PPP1R12B: variants seen among roughly 807,000 people sequenced by gnomAD.
The protein encoded by PPP1R12B is myosin phosphatase target subunit 2.
Under a neutral mutation model 126.1 loss-of-function variants are expected in PPP1R12B, and 76 were observed. The observed-to-expected ratio is 0.60, with a 90% confidence interval of 0.50 to 0.73. PPP1R12B has a LOEUF of 0.73. Ranked by LOEUF, PPP1R12B falls within the 30% of genes least tolerant of loss-of-function variation. The pLI, the probability that PPP1R12B is intolerant of heterozygous loss-of-function variation, is 0.00. For synonymous variants in PPP1R12B, 356 were observed against 434.7 expected, an observed-to-expected ratio of 0.82 and a Z score of 2.25; for missense variants, 1,052 against 1,205.1, an observed-to-expected ratio of 0.87 and a Z score of 1.88.
intron 1 of PPP1R12B, among the ~76,000 whole-genome samples, chr1:202,349,479 C>G (rs755636337): frequency 6.6e-6 from 1 of 152,180 alleles, no homozygotes; most frequent in Non-Finnish European, 1.5e-5. Context: ...TGCCTGCACA[C>G]CGCGTCACTC....
chr1:202,456,817 A>G (rs1458398441), intron 13 of PPP1R12B, among the ~76,000 whole-genome samples: 2 of 152,202 alleles, frequency 1.3e-5, no homozygotes, highest in Non-Finnish European at 2.9e-5. Flanking sequence ...GGCACAAGTA[A>G]ATTCAAAACC....
rs1220405003 is a variant in PPP1R12B at position 202,587,577 on chromosome 1, G to A, written c.*7017G>A. On this transcript the variant is annotated 3_prime_UTR_variant, in exon 24 of 24. Coordinates refer to ENST00000608999, the MANE Select transcript of PPP1R12B (RefSeq NM_002481.4). The stretch of plus-strand genomic sequence containing the variant: ...CAATCAGTGTATCAGTGCATCTGGT[G>A]GCAACAGCTCAGCCCATTCAAAGAG... 1 of 152,220 alleles carries A rather than the reference G, an allele frequency of 6.6e-6. No individual in the cohort carries two copies. Among genetic ancestry groups the A allele is most frequent in the Non-Finnish European group, 1.5e-5 (1 of 68,074 alleles). 9.4% of individuals were successfully genotyped at this position (152,220 alleles called of 1,614,324 possible).
chr1:202,541,369 C>T (rs535854338), intron 18 of PPP1R12B, among the ~76,000 whole-genome samples: 3 of 152,186 alleles, frequency 2.0e-5, no homozygotes, highest in South Asian at 2.1e-4. Context: ...AATATTGTTA[C>T]GAAGTTATTT....
At chr1:202,362,653 G>GTTT (rs143292643) in intron 1 of PPP1R12B, among the ~76,000 whole-genome samples, 15 of 144,806 alleles carry the variant, frequency 1.0e-4, no homozygotes, top group South Asian at 2.2e-4. Flanking sequence ...AAGGCCCAGG[G>GTTT]TTTTTGTTTT....
intron 4 of PPP1R12B, among the ~76,000 whole-genome samples, chr1:202,426,158 T>G (rs1433005410): frequency 1.3e-5 from 2 of 152,220 alleles, no homozygotes; most frequent in Non-Finnish European, 2.9e-5. Flanking sequence ...CAAACTTATA[T>G]GAGGGATTTG....
intron 1 of PPP1R12B, among the ~76,000 whole-genome samples, chr1:202,398,816 T>C (rs2741847): frequency 0.97 from 147,977 of 152,252 alleles, 72,002 homozygotes; most frequent in East Asian, 1. Context: ...TCTCAATGGC[T>C]TTGGTGAAGC....
Position 202,437,856 on chromosome 1 carries a change from C to G in PPP1R12B, c.1290C>G (p.Pro430=). ...SSGLFNKPEE[P]KDESPSSWRL... is the part of the protein sequence containing the mutation. ...GCCTTTTTAACAAGCCAGAAGAGCC[C>G]AAAGATGAATCTCCTTCTTCATGGA... Residue 430 remains proline (P), a synonymous_variant, in exon 10 of 24, where the codon CCC becomes CCG. Coordinates refer to ENST00000608999, the MANE Select transcript of PPP1R12B (RefSeq NM_002481.4). 1 of 1,613,792 alleles carries G rather than the reference C, an allele frequency of 6.2e-7. No homozygotes were observed. The highest frequency in any genetic ancestry group is 1.1e-5 in the South Asian group (1 of 91,056).
Position 202,496,784 on chromosome 1 carries a change from G to A in PPP1R12B, c.2452G>A (p.Asp818Asn). The A allele has an allele frequency of 1.2e-6, 2 of 1,611,874 alleles. No homozygotes were observed. Among genetic ancestry groups the A allele is most frequent in the South Asian group, 2.2e-5 (2 of 90,940 alleles). The change falls in exon 18 of 24, where the codon GAT becomes AAT. Residue 818 changes from aspartate to asparagine, a missense_variant. Coordinates refer to ENST00000608999, the MANE Select transcript of PPP1R12B (RefSeq NM_002481.4). ...TGINFWTKDE[D>N]ETDGSEEVKE... ...TTTCTTCCCTTTTCTTTTTTAGGAG[G>A]ATGAAACTGATGGCTCTGAAGAGGT...
intron 18 of PPP1R12B, chr1:202,527,173 G>C (rs1374882588): frequency 6.6e-6 from 1 of 152,136 alleles, no homozygotes; most frequent in Non-Finnish European, 1.5e-5. Flanking sequence ...AATTCAATAA[G>C]CCTTTTTATT....
At position 202,357,740 on chromosome 1, in the gene PPP1R12B, T is replaced by C. The variant is rs1657376964; in HGVS notation, c.291+8598T>C. Among the ~76,000 whole-genome samples the C allele has an allele frequency of 3.3e-5, 5 of 152,244 alleles. No homozygotes were observed. In the South Asian group the frequency reaches 1.0e-3, roughly 32 times the overall value. On this transcript the variant is annotated intron_variant, in intron 1 of 23. Transcript: ENST00000608999. Reference sequence around the variant, plus strand: ...CTGGAAGGCAGCCTTGGGGGAACAGTGATAGGGAGGTTAGTACCAATAAAC... The same window carrying C: ...CTGGAAGGCAGCCTTGGGGGAACAGCGATAGGGAGGTTAGTACCAATAAAC...
chr1:202,474,011 G>T, intron 13 of PPP1R12B: 2 of 519,186 alleles, frequency 3.9e-6, no homozygotes, highest in Middle Eastern at 3.2e-4. Context: ...AAGTAGGGTG[G>T]TACAGGGAAA....
rs911553666 is a variant in PPP1R12B at position 202,546,609 on chromosome 1, G to GA, written c.2491-12258dup. ...ACAGAATGAGACTCTGTCTCAAAAA[G>GA]AAAAAAAAAATAGTGTGACAAAATT... On this transcript the variant is annotated intron_variant, in intron 18 of 23. Transcript: ENST00000608999. Among the ~76,000 whole-genome samples the GA allele has an allele frequency of 2.3e-3, 346 of 147,646 alleles. 2 individuals are homozygous for GA. Among genetic ancestry groups the GA allele is most frequent in the African/African-American group, 7.5e-3 (303 of 40,358 alleles).
intron 13 of PPP1R12B, among the ~76,000 whole-genome samples, chr1:202,455,244 C>A (rs1673476810): frequency 6.6e-6 from 1 of 151,998 alleles, no homozygotes; most frequent in South Asian, 2.1e-4. Flanking sequence ...ATACAATTCA[C>A]TCATTTAAGG....
At chr1:202,371,816 G>C (rs928757130) in intron 1 of PPP1R12B, among the ~76,000 whole-genome samples, 1 of 132,862 alleles carries the variant, frequency 7.5e-6, no homozygotes, top group Admixed American at 7.3e-5. Context: ...TTTTTTTGTT[G>C]TTATGTTGAT....
intron 2 of PPP1R12B, among the ~76,000 whole-genome samples, chr1:202,421,595 G>T (rs12734071): frequency 6.7e-6 from 1 of 149,682 alleles, no homozygotes; most frequent in African/African-American, 2.5e-5. Flanking sequence ...AGCCGAGATC[G>T]CACCATTGCA....
Position 202,586,826 on chromosome 1 carries a change from T to C in PPP1R12B, c.*6266T>C, listed in dbSNP as rs1008046290. The C allele has an allele frequency of 6.6e-6, 1 of 152,232 alleles. No individual in the cohort carries two copies. Among genetic ancestry groups the C allele is most frequent in the Non-Finnish European group, 1.5e-5 (1 of 68,038 alleles). The allele number at this position is 152,232 out of a possible 1,614,324, so 9.4% of individuals were successfully genotyped here. A position where few individuals can be genotyped will look rare whatever the true frequency, so the allele number is the denominator to read the frequency against. On this transcript the variant is annotated 3_prime_UTR_variant, in exon 24 of 24. Transcript: ENST00000608999. ...GTGGGTGTGTCTAAAGACAATACCA[T>C]TAATGAATGTTCTGGCCTTACCTAA... is the stretch of plus-strand genomic sequence containing the variant.
At chr1:202,377,859 T>TTG (rs1661493881) in intron 1 of PPP1R12B, among the ~76,000 whole-genome samples, 1 of 124,146 alleles carries the variant, frequency 8.1e-6, no homozygotes, top group African/African-American at 2.8e-5. Flanking sequence ...TTTTTTTTTT[T>TTG]GAGACGGAGT....
intron 23 of PPP1R12B, chr1:202,577,034 T>C (rs895184921): frequency 6.6e-6 from 1 of 152,220 alleles, no homozygotes; most frequent in East Asian, 1.9e-4. Flanking sequence ...ATTGAGCAAC[T>C]ACACTGTGCC....
intron 18 of PPP1R12B, among the ~76,000 whole-genome samples, chr1:202,514,694 A>G (rs1489736371): frequency 1.3e-5 from 2 of 152,098 alleles, no homozygotes; most frequent in Non-Finnish European, 2.9e-5. Flanking sequence ...TCTTTTCCCC[A>G]TTGCTTGTTT....
Sources: gnomAD v4.1 joint callset for allele counts (sites outside exome capture counted in the v4.1 genomes callset) on GRCh38, gnomAD v4.1.1 for gene constraint, MANE v1.5 for transcripts, NCBI Gene and HGNC (gene_info 2026-07-23, HGNC 2026-07-21) for gene names.